The following FRMPD1 variants were observed in gnomAD, a reference collection of about 807,000 sequenced individuals.
The protein encoded by FRMPD1 is FERM and PDZ domain-containing protein 1.
In FRMPD1, 76 loss-of-function variants were observed where a neutral mutation model predicts 117.8. The observed-to-expected ratio is 0.65, with a 90% CI of 0.54 to 0.78. FRMPD1 has a LOEUF of 0.78. Among genes scored for constraint, FRMPD1 ranks in the 30% least tolerant of loss-of-function variants. The pLI, the probability that FRMPD1 is intolerant of heterozygous loss-of-function variation, is 0.00. For missense variants in FRMPD1, 1,786 were observed against 1,964.5 expected (o/e 0.91, Z 1.72); for synonymous variants, 783 against 770.4 (o/e 1.02, Z -0.27).
At chr9:37,696,310 A>G (rs1004992120) in intron 2 of FRMPD1, among the ~76,000 whole-genome samples, 1 of 151,706 alleles carries the variant, frequency 6.6e-6, no homozygotes, top group African/African-American at 2.4e-5. Context: ...ATAATTATAT[A>G]TATATTTATT....
Position 37,740,244 on chromosome 9 carries a change from C to A in FRMPD1, c.1716C>A (p.Gly572=). 1.9e-6 allele frequency: 3 copies of A among 1,613,866 alleles called. No individual in the cohort carries two copies. The highest frequency in any genetic ancestry group is 2.5e-6 in the Non-Finnish European group (3 of 1,179,940). Residue 572 remains glycine (G), a synonymous_variant, in exon 15 of 16, where the codon GGC becomes GGA. Coordinates refer to ENST00000377765, the MANE Select transcript of FRMPD1 (RefSeq NM_014907.3). This position sits in a 1 kb window ranked among gnomAD's most constrained non-coding sequence, Gnocchi z 4.2. Reference sequence around the variant, plus strand: ...CCACACCTGAGGTGGCTAGGAGGGGCCCCAGCACCTGCGGGGCCAGCAGCA... The same window carrying A: ...CCACACCTGAGGTGGCTAGGAGGGGACCCAGCACCTGCGGGGCCAGCAGCA... The part of the protein sequence containing the change: ...NSPTPEVARR[G]PSTCGASSTT...
At chr9:37,607,505 G>A in the FRMPD1 span, among the ~76,000 whole-genome samples, 2 of 152,224 alleles carry the variant, frequency 1.3e-5, no homozygotes, top group East Asian at 1.9e-4. Flanking sequence ...TCTCTCACTG[G>A]TACATCCACC....
At position 37,677,783 on chromosome 9, in the gene FRMPD1, A is replaced by G. The variant is rs570406746; in HGVS notation, c.-4-14855A>G. Among the ~76,000 whole-genome samples the G allele has an allele frequency of 6.6e-5, 10 of 152,352 alleles. No homozygotes were observed. In the South Asian group the frequency reaches 1.2e-3, roughly 19 times the overall value. On this transcript the variant is annotated intron_variant, in intron 1 of 15. Coordinates refer to ENST00000377765, the MANE Select transcript of FRMPD1 (RefSeq NM_014907.3). Reference sequence around the variant, plus strand: ...TGCCCATGAGAGTGCTTTGAAAACTACAGACCATGGTTCAAAAACCTTGCA... The same window carrying G: ...TGCCCATGAGAGTGCTTTGAAAACTGCAGACCATGGTTCAAAAACCTTGCA...
At chr9:37,609,765 C>T in the FRMPD1 span, among the ~76,000 whole-genome samples, 1 of 152,100 alleles carries the variant, frequency 6.6e-6, no homozygotes, top group Admixed American at 6.5e-5. Flanking sequence ...AAAGGCTCCA[C>T]GGGCCCGTGT....
chr9:37,746,262 G>A lies in FRMPD1; in HGVS notation c.4230G>A (p.Gln1410=), dbSNP rs1406777094. 5.0e-6 allele frequency: 8 copies of A among 1,612,660 alleles called. No individual in the cohort carries two copies. The highest frequency in any genetic ancestry group is 1.6e-4 in the Middle Eastern group (1 of 6,084). Residue 1410 remains glutamine (Q), a synonymous_variant, in exon 16 of 16, where the codon CAG becomes CAA. Transcript: ENST00000377765. Reference sequence around the variant, plus strand: ...AGTACTGCTCCAGGGCACTGAGACAGCTGAAAGCCACCCCTGCCAGCACCC... The same window carrying A: ...AGTACTGCTCCAGGGCACTGAGACAACTGAAAGCCACCCCTGCCAGCACCC... ...WPEYCSRALR[Q]LKATPASTPE... is the part of the protein sequence containing the mutation.
At chr9:37,717,067 A>G (rs1349978337) in intron 5 of FRMPD1, among the ~76,000 whole-genome samples, 1 of 152,158 alleles carries the variant, frequency 6.6e-6, no homozygotes, top group Admixed American at 6.6e-5. Flanking sequence ...ATGGCACTGC[A>G]TCTGGCCTTT....
the FRMPD1 span, among the ~76,000 whole-genome samples, chr9:37,617,047 T>C: frequency 2.0e-5 from 3 of 152,260 alleles, no homozygotes; most frequent in African/African-American, 2.4e-5. Context: ...AGAGTCATTA[T>C]TGAGCACCCA....
In FRMPD1 at chr9:37,740,115, C is replaced by A. The variant is rs1824311620; in HGVS notation, c.1587C>A (p.Ser529=). The change falls in exon 15 of 16, where the codon TCC becomes TCA. Residue 529 remains serine (S), a synonymous_variant. Coordinates refer to ENST00000377765, the MANE Select transcript of FRMPD1 (RefSeq NM_014907.3). The surrounding 1 kb of genome is among the most constrained non-coding windows in gnomAD (Gnocchi z 4.2). ...ESRACSDSEE[S]SEVDCVLEPL... ...GGGCCTGCAGTGACTCAGAGGAGTC[C>A]TCTGAGGTGGACTGCGTACTCGAAC... 6.2e-7 allele frequency: 1 copy of A among 1,612,666 alleles called. No homozygotes were observed.
chr9:37,742,680 C>T (rs1420197125), intron 15 of FRMPD1, among the ~76,000 whole-genome samples: 2 of 152,158 alleles, frequency 1.3e-5, no homozygotes, highest in African/African-American at 2.4e-5. Context: ...AGGCAGATCA[C>T]CTGAGGTTGG....
At chr9:37,729,587 G>A (rs1823771743) in intron 7 of FRMPD1, 141 bp from the exon 8 acceptor site, 1 of 798,658 alleles carries the variant, frequency 1.3e-6, no homozygotes, top group South Asian at 1.7e-5. Flanking sequence ...CCTGATGAGT[G>A]GGACCAGACT....
rs113242140 is a variant in FRMPD1 at position 37,723,621 on chromosome 9, G to A, written c.517-604G>A. 3.1e-3 allele frequency among the ~76,000 whole-genome samples: 475 copies of A among 152,312 alleles called. 3 individuals are homozygous for A. Among genetic ancestry groups the A allele is most frequent in the African/African-American group, 0.011 (463 of 41,566 alleles). ...GCCTATAATCCTAGTATTTTGGGAG[G>A]CCAAGTCAGGCGGATCACTTGAGGC... On this transcript the variant is annotated intron_variant, in intron 6 of 15. Coordinates refer to ENST00000377765, the MANE Select transcript of FRMPD1 (RefSeq NM_014907.3).
chr9:37,638,113 G>A, the FRMPD1 span, among the ~76,000 whole-genome samples: 7 of 147,602 alleles, frequency 4.7e-5, no homozygotes, highest in Non-Finnish European at 7.4e-5. Context: ...TTGCTCTGTC[G>A]CCCAGCCTGG....
chr9:37,664,175 C>T (rs1458138266), intron 1 of FRMPD1, among the ~76,000 whole-genome samples: 8 of 151,642 alleles, frequency 5.3e-5, no homozygotes, highest in East Asian at 1.9e-4. Context: ...TGGAGGGCAC[C>T]GAGATGAAAA....
intron 1 of FRMPD1, among the ~76,000 whole-genome samples, chr9:37,682,681 CTG>C (rs753517067): frequency 6.6e-6 from 1 of 151,788 alleles, no homozygotes; most frequent in Non-Finnish European, 1.5e-5. Flanking sequence ...ACCAGAAACT[CTG>C]TGGCTCAGAC....
At chr9:37,646,177 A>G (rs1319993512), upstream of FRMPD1, among the ~76,000 whole-genome samples, 1 of 152,190 alleles carries the variant, frequency 6.6e-6, no homozygotes, top group Non-Finnish European at 1.5e-5. Flanking sequence ...TAACTGTCTC[A>G]TTATATTTCT....
In FRMPD1 at chr9:37,729,759, C is replaced by T. The variant is rs1465628432; in HGVS notation, c.644C>T (p.Ser215Phe). 5.0e-6 allele frequency: 8 copies of T among 1,613,994 alleles called. No individual in the cohort carries two copies. The highest frequency in any genetic ancestry group is 1.7e-5 in the Admixed American group (1 of 60,028). Residue 215 changes from serine (S) to phenylalanine (F), a missense_variant, in exon 8 of 16, where the codon TCC (serine) becomes TTC (phenylalanine). Ser to Phe is a radical substitution (Grantham distance 155, BLOSUM62 -2). Coordinates refer to ENST00000377765, the MANE Select transcript of FRMPD1 (RefSeq NM_014907.3). ...ATCCTCACCGTGAAGGAGAAGCTGT[C>T]CATCCGAAGTATCGAGTACTTTGCA... is the stretch of plus-strand genomic sequence containing the variant. ...DIILTVKEKL[S>F]IRSIEYFALA...
At chr9:37,662,286 C>T (rs1261627920) in intron 1 of FRMPD1, among the ~76,000 whole-genome samples, 1 of 152,174 alleles carries the variant, frequency 6.6e-6, no homozygotes, top group African/African-American at 2.4e-5. Context: ...GTGGTGCTCC[C>T]ATGTTCCAAA....
Position 37,740,500 on chromosome 9 carries a change from C to G in FRMPD1, c.1972C>G (p.Leu658Val). 1 of 1,614,164 alleles carries G rather than the reference C, an allele frequency of 6.2e-7. No individual in the cohort carries two copies. Residue 658 changes from leucine to valine, a missense_variant, in exon 15 of 16, where the codon CTC becomes GTC. Coordinates refer to ENST00000377765, the MANE Select transcript of FRMPD1 (RefSeq NM_014907.3). The surrounding 1 kb of genome is among the most constrained non-coding windows in gnomAD (Gnocchi z 4.2). ...SGIETSGFLC[L>V]LDLAQRANPQ... ...GATTGAAACCAGTGGCTTCCTCTGTCTCCTGGACCTGGCCCAGAGAGCCAA... is the reference window on the plus strand; with the variant it reads ...GATTGAAACCAGTGGCTTCCTCTGTGTCCTGGACCTGGCCCAGAGAGCCAA...
chr9:37,701,515 G>A (rs1232767969), intron 2 of FRMPD1, among the ~76,000 whole-genome samples: 1 of 45,680 alleles, frequency 2.2e-5, no homozygotes, highest in East Asian at 9.7e-4. Context: ...ATGTACGTGT[G>A]TGTGTGTGTG....
Sources: gnomAD v4.1 joint callset for allele counts (sites outside exome capture counted in the v4.1 genomes callset) on GRCh38, gnomAD v4.1.1 for gene constraint, Gnocchi (gnomAD v3.1) non-coding constraint, MANE v1.5 for transcripts, NCBI Gene and HGNC (gene_info 2026-07-23, HGNC 2026-07-21) for gene names.